PMPCA: variants seen among roughly 807,000 people sequenced by gnomAD.
PMPCA encodes the protein mitochondrial-processing peptidase subunit alpha.
PMPCA carries 47 observed loss-of-function variants against 59.3 expected under a neutral mutation model. That is an observed-to-expected ratio of 0.79 (90% confidence interval 0.63 to 1.01). The LOEUF is 1.01. Among genes scored for constraint, PMPCA ranks in the 50% least tolerant of loss-of-function variants. The pLI is 0.00. For synonymous variants in PMPCA, 338 were observed against 290.3 expected (o/e 1.16, Z -1.67); for missense variants, 726 against 704.5 (o/e 1.03, Z -0.34).
rs138523570 is a variant in PMPCA, at chr9:136,412,618, T to C, written c.354+49T>C. 2.5e-5 allele frequency: 25 copies of C among 998,226 alleles called. No individual in the cohort carries two copies. In the African/African-American group the frequency reaches 3.6e-4, roughly 14 times the overall value. The allele number at this position is 998,226 out of a possible 1,614,324, so 61.8% of individuals were successfully genotyped here. ...TTTAGACTATACTTTTGAAGGATGT[T>C]TGAGATTTTTCTTGTCTATAATGGT... On this transcript the variant is annotated intron_variant, in intron 3 of 12. Transcript: ENST00000371717.
In PMPCA at chr9:136,418,611, C is replaced by A; in HGVS notation, c.1047C>A (p.Ser349=). 3 of 1,614,078 alleles carry A rather than the reference C, an allele frequency of 1.9e-6. No homozygotes were observed. The highest frequency in any genetic ancestry group is 2.5e-6 in the Non-Finnish European group (3 of 1,179,902). The change falls in exon 9 of 13, where the codon TCC becomes TCA. Residue 349 remains serine, a synonymous_variant. Coordinates refer to ENST00000371717, the MANE Select transcript of PMPCA (RefSeq NM_015160.3). ...VLNMMMGGGG[S]FSAGGPGKGM... ...ACATGATGATGGGCGGAGGTGGCTC[C>A]TTCTCGGCTGGTGGGCCCGGCAAGG... is the stretch of plus-strand genomic sequence containing the variant.
intron 11 of PMPCA, chr9:136,419,393 T>TG (rs1835382738): frequency 1.9e-6 from 1 of 537,302 alleles, no homozygotes; most frequent in African/African-American, 1.9e-5. Flanking sequence ...AGCCACTGGG[T>TG]GAGTCGTGGG....
At position 136,418,060 on chromosome 9, in the gene PMPCA, T is replaced by G. The variant is rs1835332172; in HGVS notation, c.941T>G (p.Ile314Ser). The change falls in exon 8 of 13, where the codon ATC becomes AGC. Residue 314 changes from isoleucine (I) to serine (S), a missense_variant. Coordinates refer to ENST00000371717, the MANE Select transcript of PMPCA (RefSeq NM_015160.3). ...MSNVSLGPTP[I>S]PELTHIMVGL... ...AATGTCAGCCTGGGCCCGACCCCCA[T>G]CCCCGAGCTCACGCACATCATGGTT... 1 of 1,613,856 alleles carries G rather than the reference T, an allele frequency of 6.2e-7. No individual in the cohort carries two copies. The highest frequency in any genetic ancestry group is 8.5e-7 in the Non-Finnish European group (1 of 1,179,840).
chr9:136,423,268 C>A lies in PMPCA; in HGVS notation c.*4C>A, dbSNP rs199893991. 2 of 1,609,074 alleles carry A rather than the reference C, an allele frequency of 1.2e-6. No individual in the cohort carries two copies. The highest frequency in any genetic ancestry group is 2.7e-5 in the African/African-American group (2 of 75,014). On this transcript the variant is annotated 3_prime_UTR_variant, in exon 13 of 13. Coordinates refer to ENST00000371717, the MANE Select transcript of PMPCA (RefSeq NM_015160.3). ...GACGTACCGGCTCTTCCGGTAGAAC[C>A]GCTCCCCGGCCTGACAGACCCAGGG... is the stretch of plus-strand genomic sequence containing the variant.
chr9:136,423,718 G>A lies in PMPCA; in HGVS notation c.*454G>A, dbSNP rs745630244. 18 of 160,312 alleles carry A rather than the reference G, an allele frequency of 1.1e-4. 1 individual carries two copies. The highest frequency in any genetic ancestry group is 8.8e-4 in the East Asian group (5 of 5,658). 9.9% of individuals were successfully genotyped at this position (160,312 alleles called of 1,614,324 possible). A position where few individuals can be genotyped will look rare whatever the true frequency, so the allele number is the denominator to read the frequency against. On this transcript the variant is annotated 3_prime_UTR_variant, in exon 13 of 13. Coordinates refer to ENST00000371717, the MANE Select transcript of PMPCA (RefSeq NM_015160.3). ...GCTCCAAGGAGCGCGCTCCACGCGC[G>A]TGCACACAGCTTCCCTGGTAATAAA...
At chr9:136,418,480 C>A in intron 8 of PMPCA, 75 bp from the exon 9 acceptor site, 1 of 958,228 alleles carries the variant, frequency 1.0e-6, no homozygotes, top group Non-Finnish European at 1.7e-6. Context: ...CAGCTCTGCC[C>A]TCCGTCCCTG....
At chr9:136,413,751 C>G (rs542612908) in intron 4 of PMPCA, among the ~76,000 whole-genome samples, 22 of 152,288 alleles carry the variant, frequency 1.4e-4, no homozygotes, top group Non-Finnish European at 2.2e-4. Context: ...ACCCAGCCCC[C>G]CTCGCCCTCA....
At chr9:136,422,909 C>T (rs1258776173) in intron 12 of PMPCA, 186 bp from the exon 13 acceptor site, 108 of 1,400,640 alleles carry the variant, frequency 7.7e-5, no homozygotes, top group South Asian at 5.3e-4. Context: ...GAGAACTCAA[C>T]GTCTGTCACT....
intron 8 of PMPCA, 114 bp from the exon 9 acceptor site, chr9:136,418,441 C>A: frequency 1.4e-6 from 1 of 733,250 alleles, no homozygotes; most frequent in Non-Finnish European, 2.4e-6. Context: ...CGTCCAGCGG[C>A]GCTCCTGACG....
intron 7 of PMPCA, among the ~76,000 whole-genome samples, 184 bp from the exon 8 acceptor site, chr9:136,417,833 G>C (rs561630169): frequency 6.6e-6 from 1 of 150,418 alleles, no homozygotes; most frequent in Admixed American, 6.6e-5. Context: ...GGCTGGTCTT[G>C]AACTCCTGGA....
chr9:136,418,620 T>C lies in PMPCA; in HGVS notation c.1056T>C (p.Ala352=). 1 of 1,614,016 alleles carries C rather than the reference T, an allele frequency of 6.2e-7. No homozygotes were observed. Among genetic ancestry groups the C allele is most frequent in the South Asian group, 1.1e-5 (1 of 91,080 alleles). Residue 352 remains alanine, a synonymous_variant, in exon 9 of 13, where the codon GCT becomes GCC. Coordinates refer to ENST00000371717, the MANE Select transcript of PMPCA (RefSeq NM_015160.3). The part of the protein sequence containing the change: ...MMMGGGGSFS[A]GGPGKGMFSR... Reference sequence around the variant, plus strand: ...TGGGCGGAGGTGGCTCCTTCTCGGCTGGTGGGCCCGGCAAGGGCATGTTCT... The same window carrying C: ...TGGGCGGAGGTGGCTCCTTCTCGGCCGGTGGGCCCGGCAAGGGCATGTTCT...
Position 136,412,792 on chromosome 9 carries a change from C to G in PMPCA, c.355-18C>G. ...AGCCTGGATTGCTTATTTAGGTTTC[C>G]TTATTTATTTTTACTAGTCTACTGC... is the stretch of plus-strand genomic sequence containing the variant. On this transcript the variant is annotated intron_variant, in intron 3 of 12. Transcript: ENST00000371717. The G allele has an allele frequency of 6.6e-7, 1 of 1,504,806 alleles. No homozygotes were observed. Among genetic ancestry groups the G allele is most frequent in the Non-Finnish European group, 9.2e-7 (1 of 1,081,580 alleles). The allele number at this position is 1,504,806 out of a possible 1,614,324, so 93.2% of individuals were successfully genotyped here.
intron 7 of PMPCA, 101 bp downstream of exon 7, chr9:136,417,315 A>C (rs1222413899): frequency 2.1e-6 from 2 of 972,094 alleles, no homozygotes; most frequent in Middle Eastern, 4.4e-4. Flanking sequence ...ATAGGTGTTG[A>C]CTGCATGTGT....
chr9:136,411,007 CTCA>C lies in PMPCA; in HGVS notation c.71+270_71+272del, dbSNP rs748934267. ...CGACGGGCCTTCTCCGAGGCCATGC[CTCA>C]TATTTGCCCCCGCGCTTCACCTACC... On this transcript the variant is annotated intron_variant, in intron 1 of 12. Transcript: ENST00000371717. The C allele has an allele frequency of 6.1e-4, 231 of 378,032 alleles. 1 individual carries two copies. The highest frequency in any genetic ancestry group is 1.0e-3 in the Non-Finnish European group (215 of 212,528). 23.4% of individuals were successfully genotyped at this position (378,032 alleles called of 1,614,324 possible).
Position 136,423,321 on chromosome 9 carries a change from G to GTT in PMPCA, c.*58_*59insTT. The GTT allele has an allele frequency of 6.5e-7, 1 of 1,537,060 alleles. No homozygotes were observed. The highest frequency in any genetic ancestry group is 8.8e-7 in the Non-Finnish European group (1 of 1,132,746). On this transcript the variant is annotated 3_prime_UTR_variant, in exon 13 of 13. Transcript: ENST00000371717. ...CTGCAGCTGGAGCCCGTTCCCGTGC[G>GTT]TGTTAGTTTGGACACGAATTTAGTC...
rs750726942 is a variant in PMPCA at position 136,416,401 on chromosome 9, C to T, written c.633+10C>T. On this transcript the variant is annotated intron_variant, in intron 6 of 12. Transcript: ENST00000371717. Reference sequence around the variant, plus strand: ...CGAGATGATTCATGAAGTAAAATGTCAAACTCGAGAATGCCCCCGCATCTC... The same window carrying T: ...CGAGATGATTCATGAAGTAAAATGTTAAACTCGAGAATGCCCCCGCATCTC... 7.5e-6 allele frequency: 12 copies of T among 1,593,606 alleles called. No homozygotes were observed. In the South Asian group the frequency reaches 1.2e-4, roughly 16 times the overall value.
At position 136,423,529 on chromosome 9, in the gene PMPCA, G is replaced by T. The variant is rs1057413470; in HGVS notation, c.*265G>T. 8.7e-5 allele frequency: 37 copies of T among 424,700 alleles called. No individual in the cohort carries two copies. Among genetic ancestry groups the T allele is most frequent in the African/African-American group, 7.1e-4 (36 of 50,650 alleles). 26.3% of individuals were successfully genotyped at this position (424,700 alleles called of 1,614,324 possible). A position where few individuals can be genotyped will look rare whatever the true frequency, so the allele number is the denominator to read the frequency against. On this transcript the variant is annotated 3_prime_UTR_variant, in exon 13 of 13. Coordinates refer to ENST00000371717, the MANE Select transcript of PMPCA (RefSeq NM_015160.3). ...CAGCGTGCCACGAGGAGGGCGGTCG[G>T]TGCTTCCCTCCTCGGGCTGTGGGCA... is the stretch of plus-strand genomic sequence containing the variant.
chr9:136,416,799 G>T (rs1835289119), intron 6 of PMPCA, 152 bp from the exon 7 acceptor site: 4 of 632,964 alleles, frequency 6.3e-6, no homozygotes, highest in African/African-American at 3.7e-5. Context: ...TTATAAATAC[G>T]CACGCAGCTG....
chr9:136,418,641 G>C lies in PMPCA; in HGVS notation c.1077G>C (p.Met359Ile). The C allele has an allele frequency of 1.2e-6, 2 of 1,613,244 alleles. No individual in the cohort carries two copies. The highest frequency in any genetic ancestry group is 1.7e-6 in the Non-Finnish European group (2 of 1,179,146). The change falls in exon 9 of 13, where the codon ATG (methionine) becomes ATC (isoleucine). Residue 359 changes from methionine to isoleucine, a missense_variant. By Grantham distance (10) the Met-to-Ile change is conservative. Coordinates refer to ENST00000371717, the MANE Select transcript of PMPCA (RefSeq NM_015160.3). ...SFSAGGPGKG[M>I]FSRLYLNVLN... ...CGGCTGGTGGGCCCGGCAAGGGCAT[G>C]TTCTCCAGGCTCTACCTCAACGTGC...
Sources: gnomAD v4.1 joint callset for allele counts (sites outside exome capture counted in the v4.1 genomes callset) on GRCh38, gnomAD v4.1.1 for gene constraint, MANE v1.5 for transcripts, NCBI Gene and HGNC (gene_info 2026-07-23, HGNC 2026-07-21) for gene names.